AR: variants seen among roughly 807,000 people sequenced by gnomAD.
The protein encoded by AR is androgen receptor, also known as dihydrotestosterone receptor.
A neutral mutation model predicts 53.9 loss-of-function variants in AR; 8 were observed. The ratio of observed to expected loss-of-function variants is 0.15; its 90% CI spans 0.09 to 0.27. The LOEUF is 0.27. Among genes scored for constraint, AR ranks in the 10% least tolerant of loss-of-function variants. AR has a pLI of 1.00. For synonymous variants in AR, 359 were observed against 316.4 expected (o/e 1.13, Z -1.43); for missense variants, 639 against 742.5 (o/e 0.86, Z 1.62).
At chrX:67,649,472 C>T in intron 2 of AR, among the ~76,000 whole-genome samples, 1 of 111,957 alleles carries the variant, frequency 8.9e-6, no homozygotes, top group Non-Finnish European at 1.9e-5. Context: ...AATGGTTGAA[C>T]TGATTTACAC....
chrX:67,686,297 CT>C (rs1037304861), intron 3 of AR, among the ~76,000 whole-genome samples, 171 bp downstream of exon 3: 1 of 111,015 alleles, frequency 9.0e-6, no homozygotes, highest in East Asian at 2.9e-4. Flanking sequence ...CAGCTGGTGC[CT>C]TTTTTTTAAT....
chrX:67,586,977 A>C (rs181256974), intron 1 of AR, among the ~76,000 whole-genome samples: 2 of 112,549 alleles, frequency 1.8e-5, no homozygotes, highest in East Asian at 5.6e-4. Flanking sequence ...GCACCTCTGC[A>C]CATTTCTATA....
intron 3 of AR, chrX:67,696,219 T>A: frequency 2.4e-5 from 14 of 593,179 alleles, no homozygotes; most frequent in Non-Finnish European, 2.6e-5. Flanking sequence ...GTTTCACATT[T>A]GTTTTTAATG....
At position 67,695,409 on chromosome X, in the gene AR, A is replaced by T; in HGVS notation, c.1885+9283A>T. 8.0e-6 allele frequency: 6 copies of T among 753,627 alleles called. No homozygotes were observed. In the South Asian group the frequency reaches 4.1e-4, roughly 51 times the overall value. The allele number at this position is 753,627 out of a possible 1,213,427, so 62.1% of individuals were successfully genotyped here. ...CCCCTCTCTTCAAACACACTGAGAG[A>T]CTACAGTCCGACTTTCCCTCTTACA... On this transcript the variant is annotated intron_variant, in intron 3 of 7. Coordinates refer to ENST00000374690, the MANE Select transcript of AR (RefSeq NM_000044.6).
At chrX:67,678,436 T>A (rs1162052344) in intron 2 of AR, among the ~76,000 whole-genome samples, 1 of 112,254 alleles carries the variant, frequency 8.9e-6, no homozygotes, top group Non-Finnish European at 1.9e-5. Flanking sequence ...TAGCATAATG[T>A]CTTCCAGCAT....
intron 2 of AR, among the ~76,000 whole-genome samples, chrX:67,651,222 T>C (rs1240321418): frequency 9.6e-6 from 1 of 104,598 alleles, no homozygotes; most frequent in East Asian, 3.1e-4. Context: ...TTTTTTTCTG[T>C]ATTTTTAGTA....
At chrX:67,695,236 C>T in intron 3 of AR, 1 of 754,196 alleles carries the variant, frequency 1.3e-6, no homozygotes. Flanking sequence ...TTCGTATTTC[C>T]CCCTTAGGTT....
At chrX:67,666,986 G>A (rs1166931754) in intron 2 of AR, among the ~76,000 whole-genome samples, 1 of 110,855 alleles carries the variant, frequency 9.0e-6, no homozygotes, top group Non-Finnish European at 1.9e-5. Context: ...TGGGTAGTTT[G>A]CAAATAGTTG....
At chrX:67,568,868 G>A in intron 1 of AR, 3 of 1,187,611 alleles carry the variant, frequency 2.5e-6, no homozygotes, top group South Asian at 3.7e-5. Flanking sequence ...ATTCCTCGGA[G>A]GTCATCTGTT....
intron 1 of AR, among the ~76,000 whole-genome samples, chrX:67,594,258 T>C (rs1922979342): frequency 8.9e-6 from 1 of 111,877 alleles, no homozygotes; most frequent in South Asian, 3.7e-4. Context: ...CCTCCTAAAG[T>C]GCTGTGATTT....
In AR at chrX:67,727,971, C is replaced by CATT. The variant is rs1355342995; in HGVS notation, c.*4132_*4134dup. ...CCTTTGTAGGCAGATCTGTTCTCAC[C>CATT]ATTAATCTTTTTGAAAATCTTTTAA... On this transcript the variant is annotated 3_prime_UTR_variant, in exon 8 of 8. Coordinates refer to ENST00000374690, the MANE Select transcript of AR (RefSeq NM_000044.6). 5.8e-6 allele frequency: 1 copy of CATT among 172,939 alleles called. No individual in the cohort carries two copies. Among genetic ancestry groups the CATT allele is most frequent in the Non-Finnish European group, 1.1e-5 (1 of 90,800 alleles). 14.3% of individuals were successfully genotyped at this position (172,939 alleles called of 1,213,427 possible). A position where few individuals can be genotyped will look rare whatever the true frequency, so the allele number is the denominator to read the frequency against.
intron 1 of AR, among the ~76,000 whole-genome samples, chrX:67,594,598 G>A (rs1026978324): frequency 5.4e-5 from 6 of 111,215 alleles, no homozygotes; most frequent in Admixed American, 3.8e-4. Context: ...GCAAATATTA[G>A]CTTATAGGGC....
chrX:67,660,835 C>T (rs1926863093), intron 2 of AR, among the ~76,000 whole-genome samples: 1 of 111,621 alleles, frequency 9.0e-6, no homozygotes, highest in Admixed American at 9.5e-5. Flanking sequence ...ATTGATTCTT[C>T]CTACCCATGA....
At chrX:67,702,008 T>C (rs1024794506) in intron 3 of AR, among the ~76,000 whole-genome samples, 1 of 111,006 alleles carries the variant, frequency 9.0e-6, no homozygotes, top group Non-Finnish European at 1.9e-5. Flanking sequence ...GAGTTAGAAG[T>C]AGGGTTCAGG....
At chrX:67,590,191 C>T (rs779189333) in intron 1 of AR, among the ~76,000 whole-genome samples, 7 of 111,202 alleles carry the variant, frequency 6.3e-5, no homozygotes, top group African/African-American at 1.6e-4. Context: ...AAAAGAATGT[C>T]GGAACTCAAG....
At chrX:67,560,120 G>A (rs990079490) in intron 1 of AR, among the ~76,000 whole-genome samples, 5 of 111,350 alleles carry the variant, frequency 4.5e-5, no homozygotes, top group Admixed American at 1.9e-4. Flanking sequence ...TCAAAATATG[G>A]CAGGTCAGAT....
rs1447894668 is a variant in AR, at chrX:67,721,981, C to CCT, written c.2449+18_2449+19insCT. On this transcript the variant is annotated intron_variant, in intron 6 of 7. Coordinates refer to ENST00000374690, the MANE Select transcript of AR (RefSeq NM_000044.6). ...CAGCATTAGTAAGTGCCTAGAAGTGCAGGGAATGCCCCCTGAGGGCACAGA... is the reference window on the plus strand; with the variant it reads ...CAGCATTAGTAAGTGCCTAGAAGTGCCTAGGGAATGCCCCCTGAGGGCACAGA... 1 of 1,207,966 alleles carries CCT rather than the reference C, an allele frequency of 8.3e-7. No individual in the cohort carries two copies. The highest frequency in any genetic ancestry group is 1.8e-5 in the African/African-American group (1 of 56,985).
At chrX:67,681,990 T>A (rs938110942) in intron 2 of AR, among the ~76,000 whole-genome samples, 4 of 112,030 alleles carry the variant, frequency 3.6e-5, no homozygotes, top group Non-Finnish European at 7.5e-5. Flanking sequence ...ATCATCTCAA[T>A]AGATGCAGAA....
chrX:67,699,887 G>A (rs757306339), intron 3 of AR, among the ~76,000 whole-genome samples: 1 of 111,298 alleles, frequency 9.0e-6, no homozygotes, highest in African/African-American at 3.3e-5. Flanking sequence ...AGTGAGACTG[G>A]AACAGTACCT....
Sources: allele counts gnomAD v4.1 joint callset (sites outside exome capture counted in the v4.1 genomes callset), GRCh38; gene constraint gnomAD v4.1.1; transcripts MANE v1.5; gene names NCBI Gene and HGNC (gene_info 2026-07-23, HGNC 2026-07-21).